The following CCND3 variants were observed in gnomAD, a reference collection of about 807,000 sequenced individuals.
CCND3 encodes cyclin D3.
CCND3 carries 9 observed loss-of-function variants against 28.7 expected under a neutral mutation model. The observed-to-expected ratio is 0.31, with a 90% CI of 0.19 to 0.55. The LOEUF (loss-of-function observed/expected upper bound fraction) is 0.55. Ranked by LOEUF, CCND3 falls within the 20% of genes least tolerant of loss-of-function variation. The pLI is 0.93. For synonymous variants in CCND3, 164 were observed against 163.9 expected, an observed-to-expected ratio of 1.00 and a Z score of 0.00; for missense variants, 315 against 385.8, an observed-to-expected ratio of 0.82 and a Z score of 1.54.
intron 1 of CCND3, among the ~76,000 whole-genome samples, chr6:42,026,672 C>T (rs1301385225): frequency 6.6e-6 from 1 of 152,186 alleles, no homozygotes; most frequent in Non-Finnish European, 1.5e-5. Context: ...AGAAGCTCCA[C>T]TATGTATGTT....
chr6:42,031,865 C>G (rs1764055792), intron 1 of CCND3, among the ~76,000 whole-genome samples: 2 of 148,780 alleles, frequency 1.3e-5, no homozygotes, highest in South Asian at 4.2e-4. Context: ...TCTCAGCTCA[C>G]TGCAACCTCC....
At chr6:41,965,570 G>A (rs1266329868) in intron 1 of CCND3, among the ~76,000 whole-genome samples, 2 of 152,146 alleles carry the variant, frequency 1.3e-5, no homozygotes, top group Admixed American at 6.6e-5. Context: ...AATACGGGGA[G>A]AGTGGAATGC....
chr6:41,954,250 T>TAAAAAAA (rs34556754), intron 1 of CCND3, among the ~76,000 whole-genome samples: 823 of 35,112 alleles, frequency 0.023, 51 homozygotes, highest in African/African-American at 0.04. Context: ...GATTCTGCCT[T>TAAAAAAA]AAAAAAAAAA....
chr6:41,993,340 G>A (rs1324022897), intron 1 of CCND3, among the ~76,000 whole-genome samples: 1 of 151,544 alleles, frequency 6.6e-6, no homozygotes, highest in East Asian at 1.9e-4. Flanking sequence ...GGTTTTACTT[G>A]GATTTCCCTG....
At chr6:42,044,836 T>G (rs1216677139) in intron 1 of CCND3, among the ~76,000 whole-genome samples, 1 of 149,670 alleles carries the variant, frequency 6.7e-6, no homozygotes, top group Non-Finnish European at 1.5e-5. Flanking sequence ...TTGCCCAGGC[T>G]GGAGTGCGAT....
chr6:41,966,863 T>C (rs1045052646), intron 1 of CCND3, among the ~76,000 whole-genome samples: 6 of 152,202 alleles, frequency 3.9e-5, no homozygotes, highest in African/African-American at 1.4e-4. Flanking sequence ...ACAGCATGAA[T>C]AATTGAGAAT....
At chr6:42,018,443 C>A (rs1469598004) in intron 1 of CCND3, 1 of 152,050 alleles carries the variant, frequency 6.6e-6, no homozygotes, top group African/African-American at 2.4e-5. Flanking sequence ...TGCATGTCAT[C>A]CCTGCGCAGG....
intron 1 of CCND3, among the ~76,000 whole-genome samples, chr6:42,038,326 C>T (rs939491897): frequency 2.0e-5 from 3 of 151,936 alleles, no homozygotes; most frequent in Non-Finnish European, 4.4e-5. Flanking sequence ...ATCGCTTGAG[C>T]CCAGGAGTTC....
Position 41,941,493 on chromosome 6 carries a change from T to G in CCND3, c.157A>C (p.Lys53Gln). ...GCCAGCATCTTCCGCATGTGCGGCT[T>G]GATCTCCCGCTGCACGCACTGGAAG... is the stretch of plus-strand genomic sequence containing the variant. ...SYFQCVQREI[K>Q]PHMRKMLAYW... The change falls in exon 1 of 5, where the codon AAG (lysine) becomes CAG (glutamine). Residue 53 changes from lysine (K) to glutamine (Q), a missense_variant. By Grantham distance (53) the Lys-to-Gln change is moderately conservative. Transcript: ENST00000372991. This position sits in a 1 kb window ranked among gnomAD's most constrained non-coding sequence, Gnocchi z 6.1. The G allele has an allele frequency of 1.2e-6, 2 of 1,608,016 alleles. No individual in the cohort carries two copies. Among genetic ancestry groups the G allele is most frequent in the Non-Finnish European group, 1.7e-6 (2 of 1,178,668 alleles).
intron 1 of CCND3, among the ~76,000 whole-genome samples, chr6:41,954,511 C>T (rs1040474858): frequency 1.2e-4 from 18 of 150,324 alleles, no homozygotes; most frequent in African/African-American, 4.4e-4. Flanking sequence ...AGAATAGCGC[C>T]ATTGCACTCC....
chr6:42,029,149 A>AT (rs199889723), intron 1 of CCND3, among the ~76,000 whole-genome samples: 5,178 of 145,064 alleles, frequency 0.036, 286 homozygotes, highest in African/African-American at 0.12. Context: ...TTATTTTTTA[A>AT]TTTTTTTTTT....
chr6:41,987,782 G>C (rs114823132), intron 1 of CCND3, among the ~76,000 whole-genome samples: 2,644 of 151,614 alleles, frequency 0.017, 65 homozygotes, highest in South Asian at 0.071. Context: ...GATTACAGGT[G>C]TGAGCCAGCA....
intron 1 of CCND3, among the ~76,000 whole-genome samples, chr6:41,971,157 A>G (rs1406991915): frequency 6.6e-6 from 1 of 152,108 alleles, no homozygotes; most frequent in African/African-American, 2.4e-5. Flanking sequence ...ACCTCAGGTG[A>G]TCCACCAGCC....
In CCND3 at chr6:41,963,199, C is replaced by A. The variant is rs143615066; in HGVS notation, c.-45-22614G>T. Among the ~76,000 whole-genome samples, 1,470 of 152,296 alleles carry A rather than the reference C, an allele frequency of 9.7e-3. 22 individuals are homozygous for A. The highest frequency in any genetic ancestry group is 0.014 in the Non-Finnish European group (923 of 68,026). On this transcript the variant is annotated intron_variant, in intron 1 of 4. Coordinates refer to the CCND3 transcript ENST00000372988. Reference sequence around the variant, plus strand: ...TGCTCAGCTCACACACTTCTTTCTGCCTAAAATCCTTCCCCAATCTCCACC... The same window carrying A: ...TGCTCAGCTCACACACTTCTTTCTGACTAAAATCCTTCCCCAATCTCCACC...
At chr6:41,986,959 T>C (rs1291817932) in intron 1 of CCND3, among the ~76,000 whole-genome samples, 1 of 152,066 alleles carries the variant, frequency 6.6e-6, no homozygotes, top group Non-Finnish European at 1.5e-5. Flanking sequence ...TTCATCTTCA[T>C]AGTATAATAT....
At chr6:41,958,368 G>A (rs1269050496) in intron 1 of CCND3, among the ~76,000 whole-genome samples, 5 of 151,978 alleles carry the variant, frequency 3.3e-5, no homozygotes, top group Non-Finnish European at 5.9e-5. Flanking sequence ...TACATTTTTA[G>A]CAAAAAGCCA....
At chr6:41,977,799 A>G (rs190650308) in intron 1 of CCND3, among the ~76,000 whole-genome samples, 259 of 152,322 alleles carry the variant, frequency 1.7e-3, no homozygotes, top group Admixed American at 4.1e-3. Flanking sequence ...AACTTCTTCA[A>G]TGATGGAGAG....
chr6:42,012,259 A>G (rs954621124), intron 1 of CCND3, among the ~76,000 whole-genome samples: 2 of 151,868 alleles, frequency 1.3e-5, no homozygotes, highest in African/African-American at 4.8e-5. Flanking sequence ...TACAAATATT[A>G]GCTGGGCGTG....
chr6:42,016,290 T>C (rs1276274334), intron 1 of CCND3, among the ~76,000 whole-genome samples: 1 of 152,204 alleles, frequency 6.6e-6, no homozygotes, highest in Admixed American at 6.5e-5. Context: ...TCTCTTGAAC[T>C]TATTCTTCCC....
Sources: gnomAD v4.1 joint callset for allele counts (sites outside exome capture counted in the v4.1 genomes callset) on GRCh38, gnomAD v4.1.1 for gene constraint, Gnocchi (gnomAD v3.1) non-coding constraint, MANE v1.5 for transcripts, NCBI Gene and HGNC (gene_info 2026-07-23, HGNC 2026-07-21) for gene names.